The following TBL1X variants were observed in gnomAD, a reference collection of about 807,000 sequenced individuals.
The protein encoded by TBL1X is F-box-like/WD repeat-containing protein TBL1X.
A neutral mutation model predicts 50.7 loss-of-function variants in TBL1X; 10 were observed. The observed-to-expected ratio is 0.20, with a 90% confidence interval of 0.12 to 0.33. The LOEUF is 0.33. Among genes scored for constraint, TBL1X ranks in the 10% least tolerant of loss-of-function variants. TBL1X has a pLI of 1.00. For synonymous variants in TBL1X, 190 were observed against 214.7 expected, an observed-to-expected ratio of 0.88 and a Z score of 1.01; for missense variants, 340 against 504.4, an observed-to-expected ratio of 0.67 and a Z score of 3.12.
chrX:9,685,717 C>CTTTTTTTTTTTTTTTT (rs752837096), intron 6 of TBL1X, among the ~76,000 whole-genome samples: 7 of 59,639 alleles, frequency 1.2e-4, no homozygotes, highest in African/African-American at 2.0e-4. Context: ...CTTTTCTTTT[C>CTTTTTTTTTTTTTTTT]TTTTTTTTTT....
chrX:9,693,470 T>G, intron 11 of TBL1X, 51 bp downstream of exon 11: 10 of 1,078,276 alleles, frequency 9.3e-6, no homozygotes, highest in Non-Finnish European at 1.3e-5. Flanking sequence ...GGTTATATAT[T>G]TTTAATCTCA....
chrX:9,600,474 G>GGT (rs1292840156), intron 2 of TBL1X, among the ~76,000 whole-genome samples: 1 of 78,195 alleles, frequency 1.3e-5, no homozygotes, highest in African/African-American at 5.0e-5. Context: ...GTGGGCGGGG[G>GGT]GGGGGGTACA....
chrX:9,587,864 A>G (rs916460487), intron 2 of TBL1X, among the ~76,000 whole-genome samples: 3 of 88,904 alleles, frequency 3.4e-5, no homozygotes, highest in Middle Eastern at 0.023. Flanking sequence ...TGTCTACTCT[A>G]GGAACCTCAT....
chrX:9,516,630 GACA>G (rs1306880166), intron 2 of TBL1X, among the ~76,000 whole-genome samples: 1 of 112,318 alleles, frequency 8.9e-6, no homozygotes, highest in Non-Finnish European at 1.9e-5. Flanking sequence ...AAGGGAAATT[GACA>G]ACACACTTGG....
intron 2 of TBL1X, among the ~76,000 whole-genome samples, chrX:9,583,767 T>A (rs1244378727): frequency 9.0e-6 from 1 of 111,392 alleles, no homozygotes; most frequent in Admixed American, 9.5e-5. Context: ...GTAATTATAG[T>A]TCGCCTCTTT....
intron 2 of TBL1X, among the ~76,000 whole-genome samples, chrX:9,514,615 C>T (rs1337592677): frequency 1.8e-5 from 2 of 112,124 alleles, no homozygotes; most frequent in African/African-American, 6.5e-5. Context: ...ACTCACACTG[C>T]GTTGCAAACA....
chrX:9,687,906 C>T, intron 6 of TBL1X, 111 bp from the exon 7 acceptor site: 6 of 1,103,369 alleles, frequency 5.4e-6, no homozygotes. Context: ...TTGCTGGGAG[C>T]CAGCTGTTTA....
chrX:9,622,987 C>T (rs1295390363), intron 2 of TBL1X, among the ~76,000 whole-genome samples: 1 of 111,946 alleles, frequency 8.9e-6, no homozygotes, highest in East Asian at 2.8e-4. Context: ...AGTTCCTTTG[C>T]ATATACCTAG....
At chrX:9,689,140 G>C (rs1051853029) in intron 7 of TBL1X, among the ~76,000 whole-genome samples, 2 of 113,453 alleles carry the variant, frequency 1.8e-5, no homozygotes, top group African/African-American at 6.4e-5. Context: ...ATGGTGTAGT[G>C]TATGTGTGTG....
chrX:9,589,911 C>T (rs2082490422), intron 2 of TBL1X, among the ~76,000 whole-genome samples: 1 of 111,810 alleles, frequency 8.9e-6, no homozygotes, highest in Non-Finnish European at 1.9e-5. Context: ...ATCATCATCA[C>T]GATGAGGGCA....
chrX:9,493,416 A>G (rs1362899190), intron 1 of TBL1X, among the ~76,000 whole-genome samples: 1 of 111,655 alleles, frequency 9.0e-6, no homozygotes, highest in East Asian at 2.8e-4. Flanking sequence ...GGGTTATGTA[A>G]GCCCAATTTG....
chrX:9,551,615 A>G (rs766138505), intron 2 of TBL1X, among the ~76,000 whole-genome samples: 1 of 111,585 alleles, frequency 9.0e-6, no homozygotes, highest in Admixed American at 9.5e-5. Context: ...AGAGGCTCTC[A>G]GGCTGACATA....
At chrX:9,502,481 G>A (rs1968778714) in intron 2 of TBL1X, among the ~76,000 whole-genome samples, 1 of 112,231 alleles carries the variant, frequency 8.9e-6, no homozygotes, top group South Asian at 3.7e-4. Flanking sequence ...TGCTAGTCTT[G>A]AGTGCAGGCT....
rs1421665164 is a variant in TBL1X at position 9,688,031 on chromosome X, C to T, written c.372C>T (p.Phe124=). 5.8e-6 allele frequency: 7 copies of T among 1,205,930 alleles called. No homozygotes were observed. Among genetic ancestry groups the T allele is most frequent in the East Asian group, 3.0e-5 (1 of 33,725 alleles). The change falls in exon 7 of 18, where the codon TTC becomes TTT. Residue 124 remains phenylalanine (F), a synonymous_variant. Coordinates refer to ENST00000645353, the MANE Select transcript of TBL1X (RefSeq NM_005647.4). ...TGCTTCCCCAGGATGGCACAGTGTT[C>T]GACGGCCGCCCCATAGAGTCCCTGT... The part of the protein sequence containing the change: ...EISINEDGTV[F]DGRPIESLSL...
chrX:9,675,365 A>G (rs1439072856), intron 5 of TBL1X, among the ~76,000 whole-genome samples: 1 of 112,031 alleles, frequency 8.9e-6, no homozygotes, highest in African/African-American at 3.2e-5. Flanking sequence ...CATTAACACC[A>G]GCTGAGACAC....
At chrX:9,669,626 G>A (rs2082949489) in intron 5 of TBL1X, among the ~76,000 whole-genome samples, 1 of 111,383 alleles carries the variant, frequency 9.0e-6, no homozygotes, top group Admixed American at 9.6e-5. Flanking sequence ...AACTACAGAT[G>A]ACCATCCTAA....
intron 2 of TBL1X, among the ~76,000 whole-genome samples, chrX:9,564,945 A>G (rs2082341902): frequency 9.1e-6 from 1 of 109,658 alleles, no homozygotes; most frequent in South Asian, 3.9e-4. Context: ...GAGGCAAATA[A>G]TAATTCTAGG....
chrX:9,568,918 C>A (rs1028115509), intron 2 of TBL1X, among the ~76,000 whole-genome samples: 1 of 105,315 alleles, frequency 9.5e-6, no homozygotes, highest in Non-Finnish European at 1.9e-5. Flanking sequence ...GTGCACCTTG[C>A]TGTTTGTGTT....
intron 2 of TBL1X, among the ~76,000 whole-genome samples, chrX:9,639,054 T>G (rs759731432): frequency 8.9e-6 from 1 of 112,019 alleles, no homozygotes; most frequent in Non-Finnish European, 1.9e-5. Flanking sequence ...CAGTGGTAGA[T>G]TTTTTACAAA....
Sources: gnomAD v4.1 joint callset for allele counts (sites outside exome capture counted in the v4.1 genomes callset) on GRCh38, gnomAD v4.1.1 for gene constraint, MANE v1.5 for transcripts, NCBI Gene and HGNC (gene_info 2026-07-23, HGNC 2026-07-21) for gene names.